The following INSYN2B variants were observed in gnomAD, a reference collection of about 807,000 sequenced individuals.
The protein encoded by INSYN2B is protein INSYN2B.
Under a neutral mutation model 41.2 loss-of-function variants are expected in INSYN2B, and 16 were observed. That is an observed-to-expected ratio of 0.39 (90% CI 0.26 to 0.59). The LOEUF (loss-of-function observed/expected upper bound fraction) is 0.59, where lower values mean the gene tolerates loss of function less well. INSYN2B is among the 20% of genes least tolerant of loss of function. The pLI is 0.57. For missense variants in INSYN2B, 608 were observed against 646.4 expected (o/e 0.94, Z 0.64); for synonymous variants, 245 against 244.4 (o/e 1.00, Z -0.02).
At chr5:169,928,424 A>G (rs1200310290) in intron 1 of INSYN2B, among the ~76,000 whole-genome samples, 1 of 152,248 alleles carries the variant, frequency 6.6e-6, no homozygotes, top group African/African-American at 2.4e-5. Flanking sequence ...GTTTTCACGT[A>G]GTCAGGCAGG....
chr5:169,904,046 T>C (rs1239363785), intron 1 of INSYN2B, among the ~76,000 whole-genome samples: 2 of 145,760 alleles, frequency 1.4e-5, no homozygotes, highest in Admixed American at 1.4e-4. Flanking sequence ...TGAGCCGAGA[T>C]CGTTCCATTG....
chr5:169,909,772 T>A (rs962046702), intron 1 of INSYN2B, among the ~76,000 whole-genome samples: 3 of 152,220 alleles, frequency 2.0e-5, no homozygotes, highest in Non-Finnish European at 4.4e-5. Flanking sequence ...CAATCCAAGA[T>A]GATCACTTAC....
At chr5:169,955,101 A>G (rs1285897713) in intron 1 of INSYN2B, among the ~76,000 whole-genome samples, 2 of 152,158 alleles carry the variant, frequency 1.3e-5, no homozygotes, top group Non-Finnish European at 2.9e-5. Context: ...AAGCAAGGCA[A>G]CCCCATAACC....
At chr5:169,908,739 G>A (rs1239732871) in intron 1 of INSYN2B, among the ~76,000 whole-genome samples, 4 of 127,210 alleles carry the variant, frequency 3.1e-5, no homozygotes, top group South Asian at 2.5e-4. Flanking sequence ...TTTTGAGACC[G>A]AGTCTCACTC....
At chr5:169,866,564 T>TG (rs1561777380) in intron 3 of INSYN2B, among the ~76,000 whole-genome samples, 1 of 152,226 alleles carries the variant, frequency 6.6e-6, no homozygotes, top group African/African-American at 2.4e-5. Context: ...GGCCCTGTTC[T>TG]GGCTGCTGAG....
chr5:169,900,454 G>A (rs558980755), intron 1 of INSYN2B, among the ~76,000 whole-genome samples: 1 of 152,200 alleles, frequency 6.6e-6, no homozygotes, highest in Non-Finnish European at 1.5e-5. Flanking sequence ...GCAAATGTCA[G>A]GAGAAGACTG....
intron 1 of INSYN2B, among the ~76,000 whole-genome samples, chr5:169,952,099 G>T (rs1776686620): frequency 6.6e-6 from 1 of 152,234 alleles, no homozygotes; most frequent in African/African-American, 2.4e-5. Flanking sequence ...CCATTTCAGA[G>T]AGATAGAAGC....
At chr5:169,978,107 G>C (rs1341923136) in intron 1 of INSYN2B, among the ~76,000 whole-genome samples, 1 of 151,852 alleles carries the variant, frequency 6.6e-6, no homozygotes, top group Admixed American at 6.6e-5. Flanking sequence ...TATTTTGGTC[G>C]TGCGCATTAT....
At chr5:169,931,353 G>A (rs1482675777) in intron 1 of INSYN2B, among the ~76,000 whole-genome samples, 3 of 152,182 alleles carry the variant, frequency 2.0e-5, no homozygotes, top group Admixed American at 6.5e-5. Flanking sequence ...AAACACCAGC[G>A]TCTCTCAAAG....
chr5:169,863,145 C>T lies in INSYN2B; in HGVS notation c.*1128G>A, dbSNP rs186797804. On this transcript the variant is annotated 3_prime_UTR_variant, in exon 4 of 4. Transcript: ENST00000377365. ...TGTAGGTCTTGTCAACAGAATGAGC[C>T]AGACCTTGAATAACTCAGACTTTGG... is the stretch of plus-strand genomic sequence containing the variant. Among the ~76,000 whole-genome samples the T allele has an allele frequency of 1.5e-4, 23 of 152,284 alleles. No individual in the cohort carries two copies. Among genetic ancestry groups the T allele is most frequent in the African/African-American group, 5.5e-4 (23 of 41,566 alleles).
intron 1 of INSYN2B, among the ~76,000 whole-genome samples, chr5:169,937,113 GT>G (rs1443273475): frequency 2.0e-5 from 3 of 152,180 alleles, no homozygotes; most frequent in Non-Finnish European, 2.9e-5. Context: ...CCAGCTGCCT[GT>G]TTTTGTAAAT....
chr5:169,918,646 C>G (rs1048561370), intron 1 of INSYN2B, among the ~76,000 whole-genome samples: 1 of 152,232 alleles, frequency 6.6e-6, no homozygotes, highest in African/African-American at 2.4e-5. Flanking sequence ...GGTGCAGTGG[C>G]TCATGCCTGT....
chr5:169,903,558 A>T (rs949798289), intron 1 of INSYN2B, among the ~76,000 whole-genome samples: 1 of 151,948 alleles, frequency 6.6e-6, no homozygotes, highest in African/African-American at 2.4e-5. Context: ...GGGTGGGCAC[A>T]AGTGGGGAGA....
At chr5:169,875,124 T>A (rs942626477) in intron 3 of INSYN2B, 1 of 446,352 alleles carries the variant, frequency 2.2e-6, no homozygotes, top group Non-Finnish European at 4.5e-6. Context: ...ATTCATGGGC[T>A]GGTTGTCACA....
chr5:169,883,059 C>A lies in INSYN2B; in HGVS notation c.840G>T (p.Leu280Phe), dbSNP rs1561792793. 5 of 1,551,536 alleles carry A rather than the reference C, an allele frequency of 3.2e-6. No homozygotes were observed. Among genetic ancestry groups the A allele is most frequent in the Non-Finnish European group, 4.4e-6 (5 of 1,146,930 alleles). ...GTEELKPELL[L>F]PKDNSDDKDL... Reference sequence around the variant, plus strand: ...CTTTGTCATCTGAGTTGTCTTTGGGCAAAAGCAATTCAGGTTTAAGTTCCT... The same window carrying A: ...CTTTGTCATCTGAGTTGTCTTTGGGAAAAAGCAATTCAGGTTTAAGTTCCT... The change falls in exon 2 of 4, where the codon TTG (leucine) becomes TTT (phenylalanine). Residue 280 changes from leucine to phenylalanine, a missense_variant. Coordinates refer to ENST00000377365, the MANE Select transcript of INSYN2B (RefSeq NM_001129891.3).
At chr5:169,865,874 C>T (rs1363508979) in intron 3 of INSYN2B, among the ~76,000 whole-genome samples, 2 of 152,248 alleles carry the variant, frequency 1.3e-5, no homozygotes, top group African/African-American at 4.8e-5. Flanking sequence ...GACATCTGCC[C>T]TTGCTTACTC....
intron 1 of INSYN2B, among the ~76,000 whole-genome samples, chr5:169,886,835 T>A (rs1354725347): frequency 6.6e-6 from 1 of 152,212 alleles, no homozygotes; most frequent in South Asian, 2.1e-4. Flanking sequence ...CTGGGAACGA[T>A]AACTCACACA....
At chr5:169,912,387 G>GCTTATCATTATCTTATCATTAT (rs1774646684) in intron 1 of INSYN2B, among the ~76,000 whole-genome samples, 1 of 152,114 alleles carries the variant, frequency 6.6e-6, no homozygotes, top group Non-Finnish European at 1.5e-5. Context: ...TTGTCTATTG[G>GCTTATCATTATCTTATCATTAT]CTTTCAGGAT....
At chr5:169,962,446 C>A (rs1777129487) in intron 1 of INSYN2B, among the ~76,000 whole-genome samples, 1 of 152,010 alleles carries the variant, frequency 6.6e-6, no homozygotes, top group South Asian at 2.1e-4. Flanking sequence ...AGAAGAGAAC[C>A]AGATTTGGGG....
Sources: gnomAD v4.1 joint callset for allele counts (sites outside exome capture counted in the v4.1 genomes callset) on GRCh38, gnomAD v4.1.1 for gene constraint, MANE v1.5 for transcripts, NCBI Gene and HGNC (gene_info 2026-07-23, HGNC 2026-07-21) for gene names.